The following PABPC4L variants were observed in gnomAD, a reference collection of about 807,000 sequenced individuals.
PABPC4L encodes the protein polyadenylate-binding protein 4-like.
For synonymous variants in PABPC4L, 169 were observed against 164.1 expected, an observed-to-expected ratio of 1.03 and a Z score of -0.23; for missense variants, 452 against 451.4, an observed-to-expected ratio of 1.00 and a Z score of -0.01.
chr4:134,109,306 C>T, the PABPC4L span, among the ~76,000 whole-genome samples: 1 of 151,454 alleles, frequency 6.6e-6, no homozygotes, highest in Non-Finnish European at 1.5e-5. Context: ...CATTTGGTGG[C>T]TTTTAGAGAA....
the PABPC4L span, among the ~76,000 whole-genome samples, chr4:134,063,172 G>A: frequency 4.6e-5 from 7 of 152,108 alleles, no homozygotes; most frequent in Non-Finnish European, 8.8e-5. Flanking sequence ...CTTTTAGGGT[G>A]ACTGTTCAAC....
At chr4:134,082,382 T>C in the PABPC4L span, among the ~76,000 whole-genome samples, 1 of 152,124 alleles carries the variant, frequency 6.6e-6, no homozygotes, top group African/African-American at 2.4e-5. Context: ...CCAGTGTTAG[T>C]CTCAGGCTCA....
At chr4:134,072,184 C>T in the PABPC4L span, among the ~76,000 whole-genome samples, 1 of 152,082 alleles carries the variant, frequency 6.6e-6, no homozygotes, top group Non-Finnish European at 1.5e-5. Flanking sequence ...CCTTTTTCTC[C>T]CTATCAAATG....
At chr4:133,982,697 CA>C in the PABPC4L span, among the ~76,000 whole-genome samples, 1 of 152,084 alleles carries the variant, frequency 6.6e-6, no homozygotes, top group East Asian at 1.9e-4. Context: ...CATCAATCCA[CA>C]AGCAAGCAAA....
the PABPC4L span, among the ~76,000 whole-genome samples, chr4:134,084,220 A>G: frequency 6.6e-6 from 1 of 151,884 alleles, no homozygotes; most frequent in East Asian, 1.9e-4. Flanking sequence ...AGCTAATTTT[A>G]AAAGATTGTA....
At chr4:134,193,524 T>C (rs945215605), downstream of PABPC4L, among the ~76,000 whole-genome samples, 1 of 151,976 alleles carries the variant, frequency 6.6e-6, no homozygotes, top group Non-Finnish European at 1.5e-5. Context: ...TAACATCCTA[T>C]AGGGAGACTT....
At chr4:134,104,341 C>G in the PABPC4L span, among the ~76,000 whole-genome samples, 1 of 151,682 alleles carries the variant, frequency 6.6e-6, no homozygotes, top group Non-Finnish European at 1.5e-5. Flanking sequence ...GGCAGTGACT[C>G]CTTGGCAGTC....
the PABPC4L span, among the ~76,000 whole-genome samples, chr4:134,051,484 C>T: frequency 6.6e-6 from 1 of 152,110 alleles, no homozygotes; most frequent in African/African-American, 2.4e-5. Flanking sequence ...ATGTGGAGAA[C>T]TCCACTGCCA....
the PABPC4L span, among the ~76,000 whole-genome samples, chr4:134,143,965 G>A: frequency 0.7 from 105,256 of 151,244 alleles, 37,970 homozygotes; most frequent in East Asian, 1. Flanking sequence ...TAAAAGAAAT[G>A]TGCAAAATAG....
At chr4:133,994,177 G>A in the PABPC4L span, among the ~76,000 whole-genome samples, 1 of 152,090 alleles carries the variant, frequency 6.6e-6, no homozygotes, top group Non-Finnish European at 1.5e-5. Context: ...GACCTTTTGG[G>A]AATGACGAAA....
chr4:134,121,584 C>T, the PABPC4L span, among the ~76,000 whole-genome samples: 1 of 151,674 alleles, frequency 6.6e-6, no homozygotes, highest in South Asian at 2.1e-4. Context: ...CAATTAAATA[C>T]CTGAGATGTT....
chr4:134,050,971 T>C, the PABPC4L span, among the ~76,000 whole-genome samples: 11 of 151,952 alleles, frequency 7.2e-5, no homozygotes, highest in South Asian at 2.1e-3. Context: ...ATGTTACACA[T>C]TATATTTTGG....
chr4:134,009,436 C>A, the PABPC4L span, among the ~76,000 whole-genome samples: 2 of 151,970 alleles, frequency 1.3e-5, no homozygotes, highest in East Asian at 3.9e-4. Context: ...GGTCTATCTG[C>A]TCTCATTATG....
chr4:133,963,646 C>G, the PABPC4L span, among the ~76,000 whole-genome samples: 2 of 152,156 alleles, frequency 1.3e-5, no homozygotes, highest in African/African-American at 4.8e-5. Context: ...AGCACTCTCT[C>G]TGACCACAGA....
the PABPC4L span, among the ~76,000 whole-genome samples, chr4:134,170,097 A>G: frequency 6.6e-6 from 1 of 152,110 alleles, no homozygotes; most frequent in Non-Finnish European, 1.5e-5. Flanking sequence ...GTCCATGTGA[A>G]CTCAACATTT....
chr4:134,105,446 T>C, the PABPC4L span, among the ~76,000 whole-genome samples: 1 of 151,748 alleles, frequency 6.6e-6, no homozygotes, highest in Non-Finnish European at 1.5e-5. Flanking sequence ...ATGTATTTTC[T>C]ATATATGTGG....
chr4:134,006,357 TA>T, the PABPC4L span, among the ~76,000 whole-genome samples: 2 of 152,060 alleles, frequency 1.3e-5, no homozygotes, highest in Admixed American at 1.3e-4. Flanking sequence ...CTTCTAGTAC[TA>T]TAATCTTGGT....
the PABPC4L span, among the ~76,000 whole-genome samples, chr4:134,001,423 T>C: frequency 2.0e-5 from 3 of 152,102 alleles, no homozygotes. Context: ...ATTAGTCAGA[T>C]GGTATTCATC....
the PABPC4L span, among the ~76,000 whole-genome samples, chr4:134,131,650 C>T: frequency 1.7e-5 from 2 of 119,720 alleles, no homozygotes; most frequent in African/African-American, 3.2e-5. Flanking sequence ...ATGCAATTTG[C>T]ATCAAAATAC....
Sources: gnomAD v4.1 joint callset for allele counts (sites outside exome capture counted in the v4.1 genomes callset) on GRCh38, gnomAD v4.1.1 for gene constraint, MANE v1.5 for transcripts, NCBI Gene and HGNC (gene_info 2026-07-23, HGNC 2026-07-21) for gene names.